Variants in PPFIBP2 observed in about 807,000 individuals in gnomAD.
The protein encoded by PPFIBP2 is liprin-beta-2.
PPFIBP2 carries 118 observed loss-of-function variants against 118.3 expected under a neutral mutation model. That is an observed-to-expected ratio of 1.00 (90% CI 0.86 to 1.16). PPFIBP2 has a LOEUF of 1.16. Among genes scored for constraint, PPFIBP2 ranks in the 50% most tolerant of loss-of-function variants. PPFIBP2 has a pLI of 0.00. For missense variants in PPFIBP2, 1,195 were observed against 1,073.1 expected, an observed-to-expected ratio of 1.11 and a Z score of -1.59; for synonymous variants, 414 against 397.4, an observed-to-expected ratio of 1.04 and a Z score of -0.50.
At chr11:7,637,119 T>A (rs1210339822) in intron 14 of PPFIBP2, among the ~76,000 whole-genome samples, 4 of 152,234 alleles carry the variant, frequency 2.6e-5, no homozygotes, top group Non-Finnish European at 4.4e-5. Flanking sequence ...TTTAAGTCCC[T>A]CATGCCCTCT....
chr11:7,591,943 G>C (rs1436835653), intron 3 of PPFIBP2, among the ~76,000 whole-genome samples: 3 of 152,150 alleles, frequency 2.0e-5, no homozygotes, highest in Admixed American at 2.0e-4. Flanking sequence ...ATGGAGGGTG[G>C]TGGGAGAGCC....
intron 6 of PPFIBP2, among the ~76,000 whole-genome samples, chr11:7,611,698 T>G (rs935495589): frequency 6.6e-6 from 1 of 152,246 alleles, no homozygotes; most frequent in African/African-American, 2.4e-5. Flanking sequence ...ATACTTCCAA[T>G]TTCTTTGGTT....
intron 5 of PPFIBP2, 57 bp downstream of exon 5, chr11:7,597,730 C>G: frequency 7.3e-7 from 1 of 1,369,338 alleles, no homozygotes; most frequent in Admixed American, 1.8e-5. Context: ...GTGCTGAAGC[C>G]CCTTTGTGTG....
chr11:7,590,003 G>A (rs1041156498), intron 3 of PPFIBP2, among the ~76,000 whole-genome samples: 6 of 152,196 alleles, frequency 3.9e-5, no homozygotes, highest in Non-Finnish European at 5.9e-5. Context: ...CCTTGATGAT[G>A]TAGTCATTTT....
chr11:7,569,764 G>A (rs558652728), intron 3 of PPFIBP2, among the ~76,000 whole-genome samples: 3 of 152,326 alleles, frequency 2.0e-5, no homozygotes, highest in Admixed American at 6.5e-5. Context: ...AGTGCTCATG[G>A]AGGATGAAGC....
rs941581085 is a variant in PPFIBP2 at position 7,517,371 on chromosome 11, T to A, written c.-37+3250T>A. Among the ~76,000 whole-genome samples, 4 of 152,142 alleles carry A rather than the reference T, an allele frequency of 2.6e-5. No homozygotes were observed. The East Asian group carries it at 7.7e-4, about 29-fold the overall frequency. The stretch of plus-strand genomic sequence containing the variant: ...TGTTTTGCAACTGAGGGTGTGGAAA[T>A]ATCCCTAACAGCGGGGTTAACTACA... On this transcript the variant is annotated intron_variant, in intron 1 of 23. Coordinates refer to ENST00000299492, the MANE Select transcript of PPFIBP2 (RefSeq NM_003621.5).
chr11:7,626,984 C>A (rs1850103717), intron 8 of PPFIBP2, among the ~76,000 whole-genome samples: 2 of 152,356 alleles, frequency 1.3e-5, no homozygotes, highest in South Asian at 4.1e-4. Context: ...TGTTGCCTAC[C>A]TGCCAAGGCC....
intron 1 of PPFIBP2, among the ~76,000 whole-genome samples, chr11:7,530,842 G>T (rs1226058641): frequency 6.6e-6 from 1 of 152,180 alleles, no homozygotes; most frequent in Non-Finnish European, 1.5e-5. Context: ...TGGGGACCCA[G>T]CGTCTATACT....
In PPFIBP2 at chr11:7,565,428, G is replaced by A. The variant is rs1248075284; in HGVS notation, c.65-125G>A. 7 of 965,758 alleles carry A rather than the reference G, an allele frequency of 7.2e-6. No individual in the cohort carries two copies. In the African/African-American group the frequency reaches 9.7e-5, roughly 13 times the overall value. 59.8% of individuals were successfully genotyped at this position (965,758 alleles called of 1,614,324 possible). Reference sequence around the variant, plus strand: ...TGAGACTACAGGCGTGCACCGCCATGCCCAGCTCACCCCCAGCTTCTTATC... The same window carrying A: ...TGAGACTACAGGCGTGCACCGCCATACCCAGCTCACCCCCAGCTTCTTATC... On this transcript the variant is annotated intron_variant, in intron 2 of 23. Coordinates refer to ENST00000299492, the MANE Select transcript of PPFIBP2 (RefSeq NM_003621.5).
At chr11:7,666,562 G>C in the PPFIBP2 span, 1 of 1,603,676 alleles carries the variant, frequency 6.2e-7, no homozygotes. Context: ...TAGAAAAGAA[G>C]CAACACTGAA....
At chr11:7,626,037 G>A (rs772350895) in intron 8 of PPFIBP2, 146 bp downstream of exon 8, 11 of 672,192 alleles carry the variant, frequency 1.6e-5, no homozygotes, top group Non-Finnish European at 2.8e-5. Flanking sequence ...GTGCAAGCGT[G>A]GCCAAGTGAA....
intron 5 of PPFIBP2, among the ~76,000 whole-genome samples, chr11:7,601,974 TC>T (rs2135390304): frequency 6.7e-6 from 1 of 149,870 alleles, no homozygotes; most frequent in East Asian, 2.0e-4. Flanking sequence ...ATACCTGTAA[TC>T]CCAGCTACTT....
chr11:7,556,630 T>A (rs754362522), intron 2 of PPFIBP2, among the ~76,000 whole-genome samples: 7 of 152,246 alleles, frequency 4.6e-5, no homozygotes, highest in Non-Finnish European at 7.3e-5. Context: ...GATTCTTTCA[T>A]CCTGCTTTTT....
chr11:7,605,257 G>C (rs1204270806), intron 5 of PPFIBP2, among the ~76,000 whole-genome samples: 2 of 152,188 alleles, frequency 1.3e-5, no homozygotes, highest in Non-Finnish European at 1.5e-5. Flanking sequence ...ATGATGCTAG[G>C]AAACTTTGAA....
Position 7,621,014 on chromosome 11 carries a change from T to C in PPFIBP2, c.698T>C (p.Leu233Pro). ...GAAAGGAATCAGTATGAATGGAAGCTAAAGGCCACTAAGGTAAACGGCACT... is the reference window on the plus strand; with the variant it reads ...GAAAGGAATCAGTATGAATGGAAGCCAAAGGCCACTAAGGTAAACGGCACT... Reference protein sequence around the residue: ...ENERNQYEWKLKATKAEVAQL... With the variant: ...ENERNQYEWKPKATKAEVAQL... The change falls in exon 7 of 24, where the codon CTA becomes CCA. Residue 233 changes from leucine to proline, a missense_variant. By Grantham distance (98) the Leu-to-Pro change is moderately conservative. Transcript: ENST00000299492. 6.2e-7 allele frequency: 1 copy of C among 1,607,560 alleles called. No individual in the cohort carries two copies. The highest frequency in any genetic ancestry group is 8.5e-7 in the Non-Finnish European group (1 of 1,174,018).
intron 1 of PPFIBP2, among the ~76,000 whole-genome samples, chr11:7,539,925 C>T (rs535339810): frequency 6.6e-6 from 1 of 152,330 alleles, no homozygotes; most frequent in Non-Finnish European, 1.5e-5. Flanking sequence ...TGTGAACTCC[C>T]ACCCAGTTTT....
chr11:7,618,317 C>T (rs749777562), intron 6 of PPFIBP2, among the ~76,000 whole-genome samples: 13 of 152,130 alleles, frequency 8.5e-5, no homozygotes, highest in Non-Finnish European at 1.6e-4. Flanking sequence ...GAAGGAAAAA[C>T]GTGTGTGTAC....
downstream of PPFIBP2, among the ~76,000 whole-genome samples, chr11:7,660,023 G>T (rs1854857339): frequency 8.0e-6 from 1 of 125,190 alleles, no homozygotes; most frequent in South Asian, 2.8e-4. Context: ...TGCTGAAGTT[G>T]CTTATCAGCT....
intron 3 of PPFIBP2, chr11:7,572,139 G>A (rs1236245990): frequency 1.3e-5 from 2 of 152,172 alleles, no homozygotes; most frequent in Non-Finnish European, 2.9e-5. Flanking sequence ...CTTCCCCTGT[G>A]GATGTGGGGA....
Sources: gnomAD v4.1 joint callset for allele counts (sites outside exome capture counted in the v4.1 genomes callset) on GRCh38, gnomAD v4.1.1 for gene constraint, MANE v1.5 for transcripts, NCBI Gene and HGNC (gene_info 2026-07-23, HGNC 2026-07-21) for gene names.